ANXA8: variants seen among roughly 807,000 people sequenced by gnomAD.
ANXA8 encodes annexin A8.
Under a neutral mutation model 26.8 loss-of-function variants are expected in ANXA8, and 9 were observed. The observed-to-expected ratio is 0.34, with a 90% CI of 0.20 to 0.59. The LOEUF (loss-of-function observed/expected upper bound fraction) is 0.59. Among genes scored for constraint, ANXA8 ranks in the 20% least tolerant of loss-of-function variants. ANXA8 has a pLI of 0.84. For synonymous variants in ANXA8, 39 were observed against 94.8 expected (o/e 0.41, Z 3.42); for missense variants, 83 against 238.5 (o/e 0.35, Z 4.29).
the ANXA8 span, among the ~76,000 whole-genome samples, chr10:47,590,555 A>T: frequency 8.2e-5 from 12 of 146,370 alleles, 1 homozygote; most frequent in Non-Finnish European, 1.3e-4. Flanking sequence ...GGTTCCCTGC[A>T]TTGCAGCTGC....
the ANXA8 span, among the ~76,000 whole-genome samples, chr10:47,957,045 G>A: frequency 6.6e-6 from 1 of 150,444 alleles, no homozygotes; most frequent in African/African-American, 2.5e-5. Context: ...GGCTGTGGAT[G>A]TAGTACCCAG....
the ANXA8 span, among the ~76,000 whole-genome samples, chr10:47,698,135 T>G: frequency 6.6e-6 from 1 of 151,062 alleles, no homozygotes; most frequent in Non-Finnish European, 1.5e-5. Context: ...CTAGGTAGCC[T>G]TTATTGTGAA....
chr10:47,957,531 C>A, the ANXA8 span, among the ~76,000 whole-genome samples: 1 of 150,200 alleles, frequency 6.7e-6, no homozygotes. Flanking sequence ...GGAGTCCTTA[C>A]AATAGATTCC....
the ANXA8 span, among the ~76,000 whole-genome samples, chr10:47,947,877 A>G: frequency 8.6e-5 from 13 of 150,794 alleles, no homozygotes; most frequent in Non-Finnish European, 1.9e-4. Context: ...TCTATCATGA[A>G]ACTCCAGGAG....
At chr10:47,665,112 T>G in the ANXA8 span, among the ~76,000 whole-genome samples, 763 of 142,440 alleles carry the variant, frequency 5.4e-3, 17 homozygotes, top group African/African-American at 0.022. Context: ...GCCATAGTAT[T>G]AAGTTTGCAG....
the ANXA8 span, among the ~76,000 whole-genome samples, chr10:47,578,029 T>G: frequency 2.3e-5 from 1 of 44,088 alleles, no homozygotes. Flanking sequence ...AGAAAAAGAA[T>G]GCTTGGCTGG....
chr10:47,646,614 T>TA, the ANXA8 span, among the ~76,000 whole-genome samples: 1 of 150,966 alleles, frequency 6.6e-6, no homozygotes, highest in Non-Finnish European at 1.5e-5. Flanking sequence ...TATGACCCTT[T>TA]AAAAAAAAAT....
the ANXA8 span, among the ~76,000 whole-genome samples, chr10:47,675,905 G>A: frequency 2.0e-5 from 3 of 151,512 alleles, no homozygotes; most frequent in Admixed American, 2.0e-4. Context: ...GTAGAGTCAT[G>A]GAAATTATGC....
the ANXA8 span, among the ~76,000 whole-genome samples, chr10:47,685,846 G>A: frequency 2.7e-5 from 4 of 149,044 alleles, no homozygotes; most frequent in Non-Finnish European, 3.0e-5. Context: ...CTTCATTATT[G>A]TCTTATCACA....
At chr10:47,490,665 G>A in the ANXA8 span, among the ~76,000 whole-genome samples, 12 of 146,286 alleles carry the variant, frequency 8.2e-5, no homozygotes, top group African/African-American at 2.8e-4. Flanking sequence ...CTCCCAACAG[G>A]AATCATAAAA....
At chr10:47,940,715 G>C in the ANXA8 span, among the ~76,000 whole-genome samples, 1 of 146,652 alleles carries the variant, frequency 6.8e-6, no homozygotes, top group African/African-American at 2.6e-5. Flanking sequence ...TGTAATCCCA[G>C]CTACTCGGGA....
At chr10:47,491,705 T>C in the ANXA8 span, 15 of 1,543,416 alleles carry the variant, frequency 9.7e-6, no homozygotes, top group Non-Finnish European at 1.1e-5. Context: ...CGAACTAGGA[T>C]GCTGAGGACT....
intron 1 of ANXA8, among the ~76,000 whole-genome samples, chr10:47,483,429 G>A (rs1214782292): frequency 3.7e-5 from 5 of 134,508 alleles, no homozygotes; most frequent in South Asian, 2.3e-4. Context: ...CATCTCCTCC[G>A]GTACCAGGAC....
At chr10:47,514,204 T>C in the ANXA8 span, among the ~76,000 whole-genome samples, 1 of 147,410 alleles carries the variant, frequency 6.8e-6, no homozygotes, top group Non-Finnish European at 1.5e-5. Flanking sequence ...CCAGCCCAAA[T>C]GCCCATCAGT....
chr10:47,527,639 T>A, the ANXA8 span, among the ~76,000 whole-genome samples: 1 of 142,222 alleles, frequency 7.0e-6, no homozygotes, highest in Middle Eastern at 3.6e-3. Flanking sequence ...CTATGGCAAC[T>A]TAGTGATTGG....
the ANXA8 span, among the ~76,000 whole-genome samples, chr10:47,742,876 C>T: frequency 5.1e-4 from 73 of 142,152 alleles, 2 homozygotes; most frequent in Non-Finnish European, 1.8e-4. Context: ...AATGCAACCC[C>T]GGGCGCAGTG....
chr10:47,564,900 A>G, the ANXA8 span: 3 of 1,485,652 alleles, frequency 2.0e-6, no homozygotes, highest in South Asian at 3.4e-5. Context: ...GTCCCCATCA[A>G]CGACAACTAC....
the ANXA8 span, among the ~76,000 whole-genome samples, chr10:47,969,422 C>T: frequency 1.9e-3 from 280 of 149,100 alleles, 4 homozygotes; most frequent in African/African-American, 6.5e-3. Context: ...TTCTGGAGGC[C>T]AGAAGTCCAG....
At chr10:47,667,476 G>A in the ANXA8 span, among the ~76,000 whole-genome samples, 1 of 151,840 alleles carries the variant, frequency 6.6e-6, no homozygotes, top group African/African-American at 2.4e-5. Context: ...AAACAATTAT[G>A]CTCTGCACTC....
Sources: allele counts gnomAD v4.1 joint callset (sites outside exome capture counted in the v4.1 genomes callset), GRCh38; gene constraint gnomAD v4.1.1; transcripts MANE v1.5; gene names NCBI Gene and HGNC (gene_info 2026-07-23, HGNC 2026-07-21).